Variants in CCSER1 observed in about 807,000 individuals in gnomAD.
CCSER1 encodes coiled-coil serine rich protein 1.
A neutral mutation model predicts 82.0 loss-of-function variants in CCSER1; 41 were observed. The observed-to-expected ratio is 0.50, with a 90% CI of 0.39 to 0.65. CCSER1 has a LOEUF of 0.65. CCSER1 is among the 30% of genes least tolerant of loss of function. The pLI, the probability that CCSER1 is intolerant of heterozygous loss-of-function variation, is 0.00. For missense variants in CCSER1, 1,119 were observed against 1,064.2 expected, an observed-to-expected ratio of 1.05 and a Z score of -0.72; for synonymous variants, 414 against 383.9, an observed-to-expected ratio of 1.08 and a Z score of -0.92.
At chr4:90,921,311 A>AT (rs35418137) in intron 8 of CCSER1, among the ~76,000 whole-genome samples, 70,838 of 151,620 alleles carry the variant, frequency 0.47, 18,218 homozygotes, top group African/African-American at 0.7. Flanking sequence ...ATTCTTAATT[A>AT]TTGTACCTAA....
chr4:90,276,843 TG>T (rs900941306), intron 1 of CCSER1, among the ~76,000 whole-genome samples: 2 of 152,302 alleles, frequency 1.3e-5, no homozygotes, highest in East Asian at 1.9e-4. Flanking sequence ...TTTAATGTTT[TG>T]TTTTTTTTGT....
At chr4:90,549,690 A>G (rs1225403092) in intron 5 of CCSER1, among the ~76,000 whole-genome samples, 1 of 152,138 alleles carries the variant, frequency 6.6e-6, no homozygotes, top group African/African-American at 2.4e-5. Flanking sequence ...TAAATAAATA[A>G]GGACTATAAG....
At chr4:90,586,575 T>C (rs757826642) in intron 5 of CCSER1, among the ~76,000 whole-genome samples, 3 of 152,200 alleles carry the variant, frequency 2.0e-5, no homozygotes, top group Non-Finnish European at 4.4e-5. Context: ...AATAATTTAC[T>C]AATAGATGCA....
intron 4 of CCSER1, among the ~76,000 whole-genome samples, chr4:90,467,156 GT>G (rs1165186556): frequency 6.6e-6 from 1 of 152,084 alleles, no homozygotes; most frequent in Non-Finnish European, 1.5e-5. Context: ...GGAGGTGGAG[GT>G]GGGCGTATCA....
At chr4:90,937,312 C>T (rs1279806985) in intron 9 of CCSER1, among the ~76,000 whole-genome samples, 1 of 152,124 alleles carries the variant, frequency 6.6e-6, no homozygotes, top group African/African-American at 2.4e-5. Flanking sequence ...AATCATACTA[C>T]CAAGAACATT....
intron 10 of CCSER1, among the ~76,000 whole-genome samples, chr4:91,344,698 A>G (rs1466197946): frequency 6.6e-6 from 1 of 152,038 alleles, no homozygotes; most frequent in Admixed American, 6.5e-5. Flanking sequence ...AGTGAATGGC[A>G]TTAAAAGTTT....
chr4:91,592,999 A>G (rs1764337451), intron 10 of CCSER1, among the ~76,000 whole-genome samples: 1 of 152,198 alleles, frequency 6.6e-6, no homozygotes. Flanking sequence ...GAACTTCAGA[A>G]AAAATAAAAC....
rs1736385752 is a variant in CCSER1 at position 90,693,404 on chromosome 4, G to A, written c.1933-30510G>A. ...CTCTTCCCAGCTACAAGTTAGAGTTGGATTATCTACATTACGAAGAGAGGA... is the reference window on the plus strand; with the variant it reads ...CTCTTCCCAGCTACAAGTTAGAGTTAGATTATCTACATTACGAAGAGAGGA... On this transcript the variant is annotated intron_variant, in intron 6 of 10. Transcript: ENST00000509176. 2.0e-5 allele frequency: 3 copies of A among 151,858 alleles called. No homozygotes were observed. The South Asian group carries it at 6.2e-4, about 31-fold the overall frequency. The allele number at this position is 151,858 out of a possible 1,614,324, so 9.4% of individuals were successfully genotyped here.
At chr4:90,349,208 G>A (rs1314508335) in intron 3 of CCSER1, among the ~76,000 whole-genome samples, 1 of 151,894 alleles carries the variant, frequency 6.6e-6, no homozygotes, top group Non-Finnish European at 1.5e-5. Context: ...TTATTTAGTA[G>A]GCATGAAATT....
chr4:90,525,879 A>G (rs181606052), intron 5 of CCSER1, among the ~76,000 whole-genome samples: 292 of 152,140 alleles, frequency 1.9e-3, no homozygotes, highest in Non-Finnish European at 2.8e-3. Context: ...GGCACAAGTG[A>G]TCCTCCCGCC....
intron 6 of CCSER1, among the ~76,000 whole-genome samples, chr4:90,652,480 A>G (rs75758717): frequency 0.023 from 3,511 of 152,240 alleles, 54 homozygotes; most frequent in Non-Finnish European, 0.035. Flanking sequence ...GAGCTGAGAA[A>G]CTGATATCCC....
At chr4:90,262,289 A>G (rs370908020) in intron 1 of CCSER1, among the ~76,000 whole-genome samples, 2 of 151,826 alleles carry the variant, frequency 1.3e-5, no homozygotes, top group Non-Finnish European at 2.9e-5. Context: ...TTTAATGTTT[A>G]TAGTTTATTA....
At chr4:90,672,432 C>T (rs1207363698) in intron 6 of CCSER1, among the ~76,000 whole-genome samples, 1 of 151,998 alleles carries the variant, frequency 6.6e-6, no homozygotes, top group Non-Finnish European at 1.5e-5. Flanking sequence ...CTTCTTTTAG[C>T]CTTCATAGAA....
At chr4:91,082,708 T>A (rs1234791003) in intron 9 of CCSER1, among the ~76,000 whole-genome samples, 2 of 151,778 alleles carry the variant, frequency 1.3e-5, no homozygotes, top group Non-Finnish European at 2.9e-5. Flanking sequence ...TTAAACAGAT[T>A]TACAAGAAAA....
intron 1 of CCSER1, among the ~76,000 whole-genome samples, chr4:90,275,533 C>A (rs1727385722): frequency 6.6e-6 from 1 of 152,088 alleles, no homozygotes; most frequent in Non-Finnish European, 1.5e-5. Context: ...GCAAGGCTGA[C>A]TGTGTAATTT....
intron 4 of CCSER1, among the ~76,000 whole-genome samples, chr4:90,432,133 A>C (rs1323724635): frequency 6.6e-6 from 1 of 152,172 alleles, no homozygotes; most frequent in Non-Finnish European, 1.5e-5. Flanking sequence ...ATAAAATTTG[A>C]GTTATTACAT....
At chr4:91,502,567 G>A (rs1277607018) in intron 10 of CCSER1, among the ~76,000 whole-genome samples, 7 of 152,170 alleles carry the variant, frequency 4.6e-5, no homozygotes, top group Admixed American at 4.6e-4. Context: ...CCCTGGTGGA[G>A]TTGATGAAGT....
At chr4:91,491,550 T>A (rs886331096) in intron 10 of CCSER1, among the ~76,000 whole-genome samples, 19 of 152,148 alleles carry the variant, frequency 1.2e-4, no homozygotes, top group African/African-American at 4.1e-4. Flanking sequence ...AAGATATTGG[T>A]TGGCCACAGC....
intron 10 of CCSER1, among the ~76,000 whole-genome samples, chr4:91,584,295 T>C (rs1763881401): frequency 6.6e-6 from 1 of 151,406 alleles, no homozygotes. Flanking sequence ...GAGAAAATAT[T>C]TGAGGCTCTT....
Sources: gnomAD v4.1 joint callset for allele counts (sites outside exome capture counted in the v4.1 genomes callset) on GRCh38, gnomAD v4.1.1 for gene constraint, MANE v1.5 for transcripts, NCBI Gene and HGNC (gene_info 2026-07-23, HGNC 2026-07-21) for gene names.